Variants in CEP63 observed in about 807,000 individuals in gnomAD.
The protein encoded by CEP63 is centrosomal protein 63.
A neutral mutation model predicts 89.1 loss-of-function variants in CEP63; 84 were observed. That is an observed-to-expected ratio of 0.94 (90% CI 0.79 to 1.13). The LOEUF (loss-of-function observed/expected upper bound fraction) is 1.13, where lower values mean the gene tolerates loss of function less well. Among genes scored for constraint, CEP63 ranks in the 50% most tolerant of loss-of-function variants. The pLI, the probability that CEP63 is intolerant of heterozygous loss-of-function variation, is 0.00. For synonymous variants in CEP63, 267 were observed against 272.5 expected (o/e 0.98, Z 0.20); for missense variants, 838 against 813.3 (o/e 1.03, Z -0.37).
At chr3:134,538,266 G>A (rs2109274169) in intron 6 of CEP63, among the ~76,000 whole-genome samples, 1 of 135,836 alleles carries the variant, frequency 7.4e-6, no homozygotes, top group South Asian at 2.5e-4. Flanking sequence ...GCTATTTTAA[G>A]TCTCAATAAT....
the CEP63 span, among the ~76,000 whole-genome samples, chr3:134,766,489 G>A: frequency 6.6e-6 from 1 of 152,246 alleles, no homozygotes. Flanking sequence ...GGTGCTGCCT[G>A]CCTGTCAACC....
chr3:134,707,148 C>T, the CEP63 span, among the ~76,000 whole-genome samples: 1 of 152,220 alleles, frequency 6.6e-6, no homozygotes, highest in Admixed American at 6.5e-5. Context: ...ATTGAATGCT[C>T]ACAGCATACC....
chr3:134,613,537 G>A, the CEP63 span, among the ~76,000 whole-genome samples: 1 of 152,218 alleles, frequency 6.6e-6, no homozygotes, highest in Non-Finnish European at 1.5e-5. Context: ...GAGTGACCTT[G>A]CCAGGCTTAT....
the CEP63 span, among the ~76,000 whole-genome samples, chr3:134,685,278 G>T: frequency 4.9e-3 from 741 of 152,016 alleles, 7 homozygotes; most frequent in African/African-American, 0.017. Context: ...TTAAGACTTT[G>T]GGGGAACTCT....
At chr3:134,603,367 G>T in the CEP63 span, 1 of 491,662 alleles carries the variant, frequency 2.0e-6, no homozygotes, top group South Asian at 4.0e-5. Flanking sequence ...AAGAGCCACT[G>T]CCTCTGCCCC....
the CEP63 span, among the ~76,000 whole-genome samples, chr3:134,750,102 A>G: frequency 2.6e-5 from 4 of 152,220 alleles, no homozygotes; most frequent in African/African-American, 9.6e-5. Context: ...GGATTCTGCA[A>G]CCTGCAGTGC....
intron 10 of CEP63, among the ~76,000 whole-genome samples, chr3:134,586,403 C>G (rs1958486895): frequency 1.3e-5 from 2 of 151,498 alleles, no homozygotes; most frequent in Non-Finnish European, 3.0e-5. Context: ...GACAAAATCT[C>G]TCAGCATTTG....
At chr3:134,738,314 A>C in the CEP63 span, among the ~76,000 whole-genome samples, 10 of 151,448 alleles carry the variant, frequency 6.6e-5, no homozygotes, top group South Asian at 1.7e-3. Flanking sequence ...CCATTTGTCG[A>C]TTGATGGGCA....
chr3:134,730,960 C>T, the CEP63 span, among the ~76,000 whole-genome samples: 1 of 151,934 alleles, frequency 6.6e-6, no homozygotes, highest in African/African-American at 2.4e-5. Flanking sequence ...AGATATTTGC[C>T]AGGTAAAATA....
At chr3:134,589,416 A>G (rs1958554519), downstream of CEP63, among the ~76,000 whole-genome samples, 1 of 152,218 alleles carries the variant, frequency 6.6e-6, no homozygotes, top group Non-Finnish European at 1.5e-5. Flanking sequence ...TGGAATAGTG[A>G]AATATTGAGC....
At position 134,486,199 on chromosome 3, in the gene CEP63, C is replaced by T. The variant is rs367967459; in HGVS notation, c.-29C>T. Reference sequence around the variant, plus strand: ...GTGGCGCGCGTGCGCAGCGCCGGCCCGAGGTAACGGCGGGAAGGCTCAGGG... The same window carrying T: ...GTGGCGCGCGTGCGCAGCGCCGGCCTGAGGTAACGGCGGGAAGGCTCAGGG... On this transcript the variant is annotated 5_prime_UTR_variant, in exon 1 of 15. Coordinates refer to ENST00000675561, the MANE Select transcript of CEP63 (RefSeq NM_001353108.3). 4.9e-5 allele frequency: 48 copies of T among 985,606 alleles called. No individual in the cohort carries two copies. The African/African-American group carries it at 8.0e-4, about 16-fold the overall frequency. 61.1% of individuals were successfully genotyped at this position (985,606 alleles called of 1,614,324 possible).
At chr3:134,614,474 C>G in the CEP63 span, among the ~76,000 whole-genome samples, 512 of 152,152 alleles carry the variant, frequency 3.4e-3, 1 homozygote, top group African/African-American at 0.012. Context: ...AGCCCCCACT[C>G]TCCAGCAATA....
chr3:134,772,698 G>A, the CEP63 span, among the ~76,000 whole-genome samples: 66 of 152,126 alleles, frequency 4.3e-4, no homozygotes, highest in African/African-American at 1.5e-3. Flanking sequence ...CCCAGAGTAG[G>A]GGCCTCCCCA....
At chr3:134,495,899 G>A (rs899533638) in intron 2 of CEP63, among the ~76,000 whole-genome samples, 11 of 152,168 alleles carry the variant, frequency 7.2e-5, no homozygotes, top group African/African-American at 2.4e-4. Context: ...AAATAACAGG[G>A]CTTCATTCTT....
At chr3:134,620,905 G>A in the CEP63 span, 1 of 1,166,302 alleles carries the variant, frequency 8.6e-7, no homozygotes, top group Non-Finnish European at 1.3e-6. Context: ...AGGAGGGGCT[G>A]TTGGGGGCCC....
chr3:134,644,572 C>T, the CEP63 span, among the ~76,000 whole-genome samples: 1 of 152,246 alleles, frequency 6.6e-6, no homozygotes, highest in Non-Finnish European at 1.5e-5. Flanking sequence ...TCTATAGCTT[C>T]CTGCTGGCTT....
downstream of CEP63, among the ~76,000 whole-genome samples, chr3:134,568,303 G>A (rs1332200843): frequency 2.0e-5 from 3 of 152,112 alleles, no homozygotes; most frequent in South Asian, 6.2e-4. Flanking sequence ...ACTTTTCTGC[G>A]ACCTAGGACA....
intron 3 of CEP63, among the ~76,000 whole-genome samples, chr3:134,531,230 A>C (rs1238945880): frequency 2.6e-5 from 4 of 152,170 alleles, no homozygotes; most frequent in African/African-American, 4.8e-5. Flanking sequence ...TCAACACTTT[A>C]TATTTCTTAT....
chr3:134,751,291 T>C, the CEP63 span, among the ~76,000 whole-genome samples: 1 of 152,258 alleles, frequency 6.6e-6, no homozygotes, highest in Admixed American at 6.5e-5. Context: ...ACTCATCCAC[T>C]GGCTGACCTT....
Sources: gnomAD v4.1 joint callset for allele counts (sites outside exome capture counted in the v4.1 genomes callset) on GRCh38, gnomAD v4.1.1 for gene constraint, MANE v1.5 for transcripts, NCBI Gene and HGNC (gene_info 2026-07-23, HGNC 2026-07-21) for gene names.